COL28A1: variants seen among roughly 807,000 people sequenced by gnomAD.
COL28A1 encodes the protein collagen type XXVIII alpha 1 chain, also known as collagen alpha-1(XXVIII) chain.
Under a neutral mutation model 150.2 loss-of-function variants are expected in COL28A1, and 161 were observed. The ratio of observed to expected loss-of-function variants is 1.07; its 90% CI spans 0.94 to 1.22. The LOEUF (loss-of-function observed/expected upper bound fraction) is 1.22. COL28A1 is among the 50% of genes most tolerant of loss of function. COL28A1 has a pLI of 0.00. For synonymous variants in COL28A1, 552 were observed against 469.7 expected (o/e 1.18, Z -2.26); for missense variants, 1,617 against 1,388.3 (o/e 1.16, Z -2.62).
chr7:7,407,388 T>C (rs528904646), intron 27 of COL28A1, among the ~76,000 whole-genome samples: 2 of 152,066 alleles, frequency 1.3e-5, no homozygotes, highest in South Asian at 4.1e-4. Context: ...AATCTACATC[T>C]AAACACATAA....
chr7:7,368,521 C>T lies in COL28A1; in HGVS notation c.3066+2204G>A, dbSNP rs996654510. On this transcript the variant is annotated intron_variant, in intron 33 of 34. Transcript: ENST00000399429. The stretch of plus-strand genomic sequence containing the variant: ...TGTAATGAACTAAATGTTTATGTCC[C>T]TCCAAAAATCATACATTGAAACCTG... Among the ~76,000 whole-genome samples the T allele has an allele frequency of 3.3e-5, 5 of 152,108 alleles. No homozygotes were observed. The East Asian group carries it at 5.8e-4, about 18-fold the overall frequency.
downstream of COL28A1, among the ~76,000 whole-genome samples, chr7:7,354,438 A>T (rs1053096816): frequency 1.3e-5 from 2 of 152,192 alleles, no homozygotes; most frequent in African/African-American, 4.8e-5. Context: ...AAGATAGTTT[A>T]TTAGAGGCTA....
chr7:7,404,968 C>G (rs558671309), intron 27 of COL28A1, among the ~76,000 whole-genome samples: 1 of 152,300 alleles, frequency 6.6e-6, no homozygotes, highest in South Asian at 2.1e-4. Context: ...ACTGCAGCCT[C>G]AACCTCCTGG....
At chr7:7,379,895 A>C (rs1031550783) in intron 30 of COL28A1, among the ~76,000 whole-genome samples, 2 of 152,152 alleles carry the variant, frequency 1.3e-5, no homozygotes, top group African/African-American at 4.8e-5. Flanking sequence ...CGCAGAACAC[A>C]TGTGCAGTTC....
At chr7:7,452,821 G>A (rs887051180) in intron 17 of COL28A1, among the ~76,000 whole-genome samples, 10 of 152,150 alleles carry the variant, frequency 6.6e-5, no homozygotes, top group Admixed American at 5.9e-4. Flanking sequence ...TAGTCAGAGT[G>A]GTCCATTGAG....
intron 27 of COL28A1, among the ~76,000 whole-genome samples, chr7:7,413,471 G>A (rs990667561): frequency 2.0e-5 from 3 of 152,158 alleles, no homozygotes; most frequent in Non-Finnish European, 4.4e-5. Flanking sequence ...ACCTTTCCAA[G>A]CCACTTTGCA....
chr7:7,354,125 T>G (rs1477677174), downstream of COL28A1, among the ~76,000 whole-genome samples: 2 of 152,108 alleles, frequency 1.3e-5, no homozygotes, highest in East Asian at 3.9e-4. Context: ...CCCAAGTAGC[T>G]GGGACTACAG....
intron 25 of COL28A1, among the ~76,000 whole-genome samples, chr7:7,428,940 C>T (rs979402478): frequency 5.3e-5 from 8 of 152,186 alleles, no homozygotes; most frequent in Non-Finnish European, 1.2e-4. Flanking sequence ...AAAAGAGCCA[C>T]GGAGAACCAC....
chr7:7,489,767 A>G (rs952374393), intron 12 of COL28A1, among the ~76,000 whole-genome samples: 1 of 152,176 alleles, frequency 6.6e-6, no homozygotes, highest in Non-Finnish European at 1.5e-5. Flanking sequence ...CTAAGCTGAC[A>G]ATGTGTGTGC....
chr7:7,515,986 C>A (rs984363191), intron 7 of COL28A1, 146 bp from the exon 8 acceptor site: 1 of 555,244 alleles, frequency 1.8e-6, no homozygotes, highest in Non-Finnish European at 3.2e-6. Context: ...AACTGTTCCA[C>A]TTCTCTTTGT....
rs1290905675 is a variant in COL28A1, at chr7:7,370,715, A to G, written c.3066+10T>C. The G allele has an allele frequency of 1.2e-6, 2 of 1,600,978 alleles. No individual in the cohort carries two copies. The highest frequency in any genetic ancestry group is 1.1e-5 in the South Asian group (1 of 88,962). Reference sequence around the variant, plus strand: ...TTTAAGCTCACAAAGTAAGTGAGACAGTTACTTACTGACTCAGAAATTTCT... The same window carrying G: ...TTTAAGCTCACAAAGTAAGTGAGACGGTTACTTACTGACTCAGAAATTTCT... On this transcript the variant is annotated intron_variant, in intron 33 of 34. Transcript: ENST00000399429.
intron 25 of COL28A1, among the ~76,000 whole-genome samples, chr7:7,427,626 T>A (rs1562615141): frequency 6.6e-6 from 1 of 152,222 alleles, no homozygotes; most frequent in Non-Finnish European, 1.5e-5. Flanking sequence ...ATTTTTAGAA[T>A]AATGATACTC....
intron 27 of COL28A1, among the ~76,000 whole-genome samples, chr7:7,412,408 T>C (rs1783842092): frequency 1.3e-5 from 2 of 152,180 alleles, no homozygotes; most frequent in Non-Finnish European, 2.9e-5. Context: ...CTGTTTGGTA[T>C]TGGAGCAATG....
At chr7:7,498,797 T>C (rs1035482823) in intron 11 of COL28A1, among the ~76,000 whole-genome samples, 1 of 152,200 alleles carries the variant, frequency 6.6e-6, no homozygotes, top group African/African-American at 2.4e-5. Context: ...TCCATTTTAG[T>C]GCCCCCTTTG....
chr7:7,363,650 G>C (rs1030918899), intron 33 of COL28A1, among the ~76,000 whole-genome samples: 2 of 151,842 alleles, frequency 1.3e-5, no homozygotes, highest in Non-Finnish European at 2.9e-5. Flanking sequence ...TTTTTCCCTA[G>C]TCTTTTTTCT....
rs374114085 is a variant in COL28A1 at position 7,432,498 on chromosome 7, C to A, written c.1973G>T (p.Arg658Leu). The change falls in exon 25 of 35, where the codon CGT (arginine) becomes CTT (leucine). Residue 658 changes from arginine (R) to leucine (L), a missense_variant. By Grantham distance (102) the Arg-to-Leu change is moderately radical. Transcript: ENST00000399429. ...LPGPPGPMGL[R>L]GVGDTGAKGE... is the part of the protein sequence containing the mutation. ...CTTTGCTCCAGTGTCTCCCACTCCA[C>A]GTAAACCCATCGGCCCAGGGGGTCC... The A allele has an allele frequency of 5.6e-6, 9 of 1,614,012 alleles. No homozygotes were observed. The highest frequency in any genetic ancestry group is 4.0e-5 in the African/African-American group (3 of 74,910).
At chr7:7,525,738 G>C (rs556565377) in intron 3 of COL28A1, among the ~76,000 whole-genome samples, 3 of 152,258 alleles carry the variant, frequency 2.0e-5, no homozygotes, top group African/African-American at 7.2e-5. Flanking sequence ...TGATTTAATA[G>C]GGAAAAAATT....
intron 17 of COL28A1, among the ~76,000 whole-genome samples, chr7:7,452,650 G>A (rs1258866060): frequency 6.6e-6 from 1 of 152,202 alleles, no homozygotes; most frequent in Non-Finnish European, 1.5e-5. Context: ...ATTTTAAGGA[G>A]CCCCTTGTGG....
At chr7:7,461,279 C>A (rs978738876) in intron 15 of COL28A1, among the ~76,000 whole-genome samples, 2 of 152,200 alleles carry the variant, frequency 1.3e-5, no homozygotes, top group Non-Finnish European at 2.9e-5. Context: ...CCTCACATCA[C>A]TGGGGTCCTT....
Sources: allele counts gnomAD v4.1 joint callset (sites outside exome capture counted in the v4.1 genomes callset), GRCh38; gene constraint gnomAD v4.1.1; transcripts MANE v1.5; gene names NCBI Gene and HGNC (gene_info 2026-07-23, HGNC 2026-07-21).